Variants in IRX1 observed in about 807,000 individuals in gnomAD.
IRX1 encodes the protein iroquois homeobox 1.
In IRX1, 22 loss-of-function variants were observed where a neutral mutation model predicts 34.1. That is an observed-to-expected ratio of 0.64 (90% CI 0.46 to 0.92). The LOEUF (loss-of-function observed/expected upper bound fraction) is 0.92. Ranked by LOEUF, IRX1 falls within the 40% of genes least tolerant of loss-of-function variation. The pLI is 0.00. For synonymous variants in IRX1, 363 were observed against 319.0 expected, an observed-to-expected ratio of 1.14 and a Z score of -1.47; for missense variants, 758 against 680.0, an observed-to-expected ratio of 1.11 and a Z score of -1.28.
chr5:3,600,660 C>T lies in IRX1; in HGVS notation c.1364C>T (p.Pro455Leu). The change falls in exon 3 of 4, where the codon CCC (proline) becomes CTC (leucine). Residue 455 changes from proline (P) to leucine (L), a missense_variant. By Grantham distance (98) the Pro-to-Leu change is moderately conservative. Coordinates refer to ENST00000302006, the MANE Select transcript of IRX1 (RefSeq NM_024337.4). Reference protein sequence around the residue: ...PDSPAQQLKSPFQPVRDNSLA... With the variant: ...PDSPAQQLKSLFQPVRDNSLA... ...TCGCCGGCACAGCAGTTAAAGTCGC[C>T]CTTCCAGCCGGTACGCGACAAGTGA... The T allele has an allele frequency of 2.5e-6, 4 of 1,613,880 alleles. No homozygotes were observed. The highest frequency in any genetic ancestry group is 3.4e-6 in the Non-Finnish European group (4 of 1,180,002).
In IRX1 at chr5:3,596,060, G is replaced by A. The variant is rs767165810; in HGVS notation, c.-46G>A. The A allele has an allele frequency of 3.7e-5, 38 of 1,039,256 alleles. No individual in the cohort carries two copies. Among genetic ancestry groups the A allele is most frequent in the Middle Eastern group, 4.7e-4 (1 of 2,148 alleles). The allele number at this position is 1,039,256 out of a possible 1,614,324, so 64.4% of individuals were successfully genotyped here. On this transcript the variant is annotated 5_prime_UTR_variant, in exon 1 of 4. Coordinates refer to ENST00000302006, the MANE Select transcript of IRX1 (RefSeq NM_024337.4). ...CCGGCCGGCCTCCGCCTCCCTCCCC[G>A]CGCCTTTAATACTCGCCCGCTGCGG...
At chr5:3,598,896 G>A (rs1030210154) in intron 1 of IRX1, among the ~76,000 whole-genome samples, 2 of 152,180 alleles carry the variant, frequency 1.3e-5, no homozygotes, top group Admixed American at 6.5e-5. Context: ...ACTTGCAGGG[G>A]CCGCGGCCTC....
In IRX1 at chr5:3,601,205, G is replaced by A; in HGVS notation, c.*165G>A. ...CTTTCTGCAGAAAGGGGCTTCTTCG[G>A]TCCCGAGCTCGCGTCCAGGTGGCCA... On this transcript the variant is annotated 3_prime_UTR_variant, in exon 4 of 4. Coordinates refer to ENST00000302006, the MANE Select transcript of IRX1 (RefSeq NM_024337.4). The A allele has an allele frequency of 1.4e-6, 1 of 692,520 alleles. No individual in the cohort carries two copies. The highest frequency in any genetic ancestry group is 2.5e-6 in the Non-Finnish European group (1 of 406,350). The allele number at this position is 692,520 out of a possible 1,614,324, so 42.9% of individuals were successfully genotyped here.
rs1209454299 is a variant in IRX1 at position 3,596,443 on chromosome 5, G to A, written c.276+62G>A. 11 of 1,363,500 alleles carry A rather than the reference G, an allele frequency of 8.1e-6. No homozygotes were observed. The South Asian group carries it at 8.4e-5, about 10-fold the overall frequency. The allele number at this position is 1,363,500 out of a possible 1,614,324, so 84.5% of individuals were successfully genotyped here. A position where few individuals can be genotyped will look rare whatever the true frequency, so the allele number is the denominator to read the frequency against. Reference sequence around the variant, plus strand: ...TCACCCGCGCCAGGGCAAGGGTGGCGGGTCGCCCGGGAGGGAGAGACTACG... The same window carrying A: ...TCACCCGCGCCAGGGCAAGGGTGGCAGGTCGCCCGGGAGGGAGAGACTACG... On this transcript the variant is annotated intron_variant, in intron 1 of 3. Coordinates refer to ENST00000302006, the MANE Select transcript of IRX1 (RefSeq NM_024337.4).
Position 3,599,083 on chromosome 5 carries a change from A to G in IRX1, c.277-142A>G. ...CTGCCCAGCACAGGAGAGCCCCGCA[A>G]AGCGCCTGGGAGGCCCTCGAGTCCA... On this transcript the variant is annotated intron_variant, in intron 1 of 3. Transcript: ENST00000302006. The surrounding 1 kb of genome is among the most constrained non-coding windows in gnomAD (Gnocchi z 6.6). 2 of 828,616 alleles carry G rather than the reference A, an allele frequency of 2.4e-6. No individual in the cohort carries two copies. Among genetic ancestry groups the G allele is most frequent in the Non-Finnish European group, 1.8e-6 (1 of 543,408 alleles). 51.3% of individuals were successfully genotyped at this position (828,616 alleles called of 1,614,324 possible).
At chr5:3,596,464 C>G in intron 1 of IRX1, 83 bp downstream of exon 1, 1 of 1,297,622 alleles carries the variant, frequency 7.7e-7, no homozygotes, top group Non-Finnish European at 9.9e-7. Flanking sequence ...GAGGGAGAGA[C>G]TACGGGTGGA....
rs1733917691 is a variant in IRX1 at position 3,600,040 on chromosome 5, C to T, written c.1092C>T (p.Tyr364=). ...HPAFLPSHGL[Y]TCHIGKFSNW... is the part of the protein sequence containing the mutation. ...CCTTCCTGCCTAGCCACGGACTGTACACCTGCCACATCGGCAAGTTCTCCA... is the reference window on the plus strand; with the variant it reads ...CCTTCCTGCCTAGCCACGGACTGTATACCTGCCACATCGGCAAGTTCTCCA... Residue 364 remains tyrosine, a synonymous_variant, in exon 2 of 4, where the codon TAC becomes TAT. Coordinates refer to ENST00000302006, the MANE Select transcript of IRX1 (RefSeq NM_024337.4). The T allele has an allele frequency of 1.3e-6, 2 of 1,597,562 alleles. No homozygotes were observed. Among genetic ancestry groups the T allele is most frequent in the Middle Eastern group, 1.7e-4 (1 of 6,038 alleles).
intron 1 of IRX1, among the ~76,000 whole-genome samples, chr5:3,598,206 G>A (rs867685944): frequency 1.4e-4 from 21 of 152,138 alleles, no homozygotes; most frequent in African/African-American, 4.3e-4. Context: ...GTCTGTCTGC[G>A]CAATTTATGG....
rs142274438 is a variant in IRX1 at position 3,599,379 on chromosome 5, C to T, written c.431C>T (p.Ala144Val). Residue 144 changes from alanine to valine, a missense_variant, in exon 2 of 4, where the codon GCC (alanine) becomes GTC (valine). Physicochemically the swap from Ala to Val is moderately conservative, Grantham distance 64 (BLOSUM62 0). This residue lies in a region of IRX1 where 34 missense variants were observed against 66.2 expected (regional missense o/e 0.51). Transcript: ENST00000302006. The surrounding 1 kb of genome is among the most constrained non-coding windows in gnomAD (Gnocchi z 6.6). The stretch of plus-strand genomic sequence containing the variant: ...CGCGAGAGCACCAGCACGCTCAAGG[C>T]CTGGCTCAACGAGCACCGCAAGAAT... ...ATRESTSTLKAWLNEHRKNPY... is the reference protein window; with the variant it reads ...ATRESTSTLKVWLNEHRKNPY... The T allele has an allele frequency of 3.0e-5, 49 of 1,614,012 alleles. No individual in the cohort carries two copies. Among genetic ancestry groups the T allele is most frequent in the Non-Finnish European group, 4.1e-5 (48 of 1,180,038 alleles).
At position 3,595,975 on chromosome 5, in the gene IRX1, C is replaced by A. The variant is rs1196570523; in HGVS notation, c.-131C>A. The A allele has an allele frequency of 5.1e-5, 23 of 452,758 alleles. No homozygotes were observed. Among genetic ancestry groups the A allele is most frequent in the African/African-American group, 8.6e-5 (4 of 46,576 alleles). The allele number at this position is 452,758 out of a possible 1,614,324, so 28.0% of individuals were successfully genotyped here. A position where few individuals can be genotyped will look rare whatever the true frequency, so the allele number is the denominator to read the frequency against. ...GCCTCCATCTCCCGGCCCGCCCGAG[C>A]GCGCCCGGCCGGCCGCCCGCTCCTC... is the stretch of plus-strand genomic sequence containing the variant. On this transcript the variant is annotated 5_prime_UTR_variant, in exon 1 of 4. Transcript: ENST00000302006.
At position 3,601,204 on chromosome 5, in the gene IRX1, G is replaced by C. The variant is rs563684019; in HGVS notation, c.*164G>C. The C allele has an allele frequency of 1.4e-6, 1 of 694,536 alleles. No homozygotes were observed. Among genetic ancestry groups the C allele is most frequent in the Non-Finnish European group, 2.5e-6 (1 of 407,722 alleles). 43.0% of individuals were successfully genotyped at this position (694,536 alleles called of 1,614,324 possible). ...GCTTTCTGCAGAAAGGGGCTTCTTC[G>C]GTCCCGAGCTCGCGTCCAGGTGGCC... On this transcript the variant is annotated 3_prime_UTR_variant, in exon 4 of 4. Coordinates refer to ENST00000302006, the MANE Select transcript of IRX1 (RefSeq NM_024337.4).
Position 3,596,035 on chromosome 5 carries a change from C to G in IRX1, c.-71C>G. 1 of 983,470 alleles carries G rather than the reference C, an allele frequency of 1.0e-6. No individual in the cohort carries two copies. Among genetic ancestry groups the G allele is most frequent in the African/African-American group, 1.8e-5 (1 of 56,988 alleles). The allele number at this position is 983,470 out of a possible 1,614,324, so 60.9% of individuals were successfully genotyped here. Reference sequence around the variant, plus strand: ...CTCGCGGCGCCCCCTGCAACCCCCTCCGGCCGGCCTCCGCCTCCCTCCCCG... The same window carrying G: ...CTCGCGGCGCCCCCTGCAACCCCCTGCGGCCGGCCTCCGCCTCCCTCCCCG... On this transcript the variant is annotated 5_prime_UTR_variant, in exon 1 of 4. Coordinates refer to ENST00000302006, the MANE Select transcript of IRX1 (RefSeq NM_024337.4).
chr5:3,596,061 C>T lies in IRX1; in HGVS notation c.-45C>T, dbSNP rs775231712. 6.7e-6 allele frequency: 7 copies of T among 1,042,270 alleles called. No individual in the cohort carries two copies. Among genetic ancestry groups the T allele is most frequent in the African/African-American group, 1.7e-5 (1 of 58,176 alleles). The allele number at this position is 1,042,270 out of a possible 1,614,324, so 64.6% of individuals were successfully genotyped here. On this transcript the variant is annotated 5_prime_UTR_variant, in exon 1 of 4. Transcript: ENST00000302006. ...CGGCCGGCCTCCGCCTCCCTCCCCGCGCCTTTAATACTCGCCCGCTGCGGC... is the reference window on the plus strand; with the variant it reads ...CGGCCGGCCTCCGCCTCCCTCCCCGTGCCTTTAATACTCGCCCGCTGCGGC...
Position 3,599,216 on chromosome 5 carries a change from T to C in IRX1, c.277-9T>C, listed in dbSNP as rs371610568. 3 of 1,609,358 alleles carry C rather than the reference T, an allele frequency of 1.9e-6. No individual in the cohort carries two copies. In the African/African-American group the frequency reaches 4.0e-5, roughly 22 times the overall value. On this transcript the variant is annotated splice_polypyrimidine_tract_variant and intron_variant, in intron 1 of 3. Transcript: ENST00000302006. The surrounding 1 kb of genome is among the most constrained non-coding windows in gnomAD (Gnocchi z 6.6). Reference sequence around the variant, plus strand: ...CTCTCTCCTCGATGGATCTGCCCTGTGGCTTCAGGGCTCGCAGTATGAACT... The same window carrying C: ...CTCTCTCCTCGATGGATCTGCCCTGCGGCTTCAGGGCTCGCAGTATGAACT...
chr5:3,596,453 G>A (rs1191526576), intron 1 of IRX1, 72 bp downstream of exon 1: 4 of 1,343,404 alleles, frequency 3.0e-6, no homozygotes, highest in Non-Finnish European at 3.9e-6. Context: ...GGGTCGCCCG[G>A]GAGGGAGAGA....
In IRX1 at chr5:3,599,304, C is replaced by T; in HGVS notation, c.356C>T (p.Pro119Leu). 6 of 1,614,112 alleles carry T rather than the reference C, an allele frequency of 3.7e-6. No individual in the cohort carries two copies. The highest frequency in any genetic ancestry group is 5.1e-6 in the Non-Finnish European group (6 of 1,180,032). Reference protein sequence around the residue: ...FAAHTAPAYYPYGQFQYGDPG... With the variant: ...FAAHTAPAYYLYGQFQYGDPG... ...GCCCACACGGCGCCGGCTTATTACC[C>T]CTACGGCCAGTTCCAATACGGGGAC... The change falls in exon 2 of 4, where the codon CCC becomes CTC. Residue 119 changes from proline (P) to leucine (L), a missense_variant. Transcript: ENST00000302006. The surrounding 1 kb of genome is among the most constrained non-coding windows in gnomAD (Gnocchi z 6.6).
chr5:3,598,519 A>ATT (rs1484451820), intron 1 of IRX1, among the ~76,000 whole-genome samples: 1 of 151,750 alleles, frequency 6.6e-6, no homozygotes, highest in Non-Finnish European at 1.5e-5. Context: ...TTTGTATTAA[A>ATT]AAAAAAAATG....
Position 3,599,958 on chromosome 5 carries a change from C to T in IRX1, c.1010C>T (p.Pro337Leu), listed in dbSNP as rs773425092. Residue 337 changes from proline (P) to leucine (L), a missense_variant, in exon 2 of 4, where the codon CCC (proline) becomes CTC (leucine). Physicochemically the swap from Pro to Leu is moderately conservative, Grantham distance 98. This residue lies in a region of IRX1 where 529 missense variants were observed against 418.8 expected (regional missense o/e 1.26). Transcript: ENST00000302006. This position sits in a 1 kb window ranked among gnomAD's most constrained non-coding sequence, Gnocchi z 6.6. ...GCGCCCAAGGCTTCGCCACCACCAC[C>T]CGCGGGCCACCCCGGCGCGCACGGG... ...DGAPKASPPP[P>L]AGHPGAHGPS... 1 of 1,504,456 alleles carries T rather than the reference C, an allele frequency of 6.6e-7. No homozygotes were observed. The highest frequency in any genetic ancestry group is 1.3e-5 in the South Asian group (1 of 77,596). The allele number at this position is 1,504,456 out of a possible 1,614,324, so 93.2% of individuals were successfully genotyped here. A position where few individuals can be genotyped will look rare whatever the true frequency, so the allele number is the denominator to read the frequency against.
intron 3 of IRX1, 137 bp downstream of exon 3, chr5:3,600,818 T>C (rs2111299675): frequency 8.7e-7 from 1 of 1,152,680 alleles, no homozygotes; most frequent in East Asian, 2.5e-5. Flanking sequence ...CCGCCAGCCC[T>C]GGGCGCCGGG....
Sources: allele counts gnomAD v4.1 joint callset (sites outside exome capture counted in the v4.1 genomes callset), GRCh38; gene constraint gnomAD v4.1.1; regional missense constraint gnomAD v4.1.1; non-coding constraint Gnocchi (gnomAD v3.1); transcripts MANE v1.5; gene names NCBI Gene and HGNC (gene_info 2026-07-23, HGNC 2026-07-21).